TMEM216: variants seen among roughly 807,000 people sequenced by gnomAD.
TMEM216 encodes cerebello-oculo-renal syndrome 2.
A neutral mutation model predicts 17.8 loss-of-function variants in TMEM216; 15 were observed. The observed-to-expected ratio is 0.84, with a 90% CI of 0.56 to 1.30. The LOEUF (loss-of-function observed/expected upper bound fraction) is 1.30. Among genes scored for constraint, TMEM216 ranks in the 50% most tolerant of loss-of-function variants. The pLI is 0.00. For synonymous variants in TMEM216, 58 were observed against 73.5 expected, an observed-to-expected ratio of 0.79 and a Z score of 1.08; for missense variants, 160 against 175.7, an observed-to-expected ratio of 0.91 and a Z score of 0.51.
chr11:61,393,397 C>T, intron 2 of TMEM216, 65 bp downstream of exon 2: 2 of 1,143,222 alleles, frequency 1.7e-6, no homozygotes, highest in Non-Finnish European at 2.5e-6. Flanking sequence ...CCAATTCCTA[C>T]CAAGAACCTT....
intron 2 of TMEM216, among the ~76,000 whole-genome samples, 164 bp downstream of exon 2, chr11:61,393,496 A>G (rs1264802125): frequency 6.6e-6 from 1 of 152,114 alleles, no homozygotes; most frequent in East Asian, 1.9e-4. Context: ...GTATGATTCC[A>G]TAGGCAGCCC....
Position 61,393,925 on chromosome 11 carries a change from G to A in TMEM216, c.178G>A (p.Val60Met). The A allele has an allele frequency of 6.2e-7, 1 of 1,614,010 alleles. No homozygotes were observed. The highest frequency in any genetic ancestry group is 2.2e-5 in the East Asian group (1 of 44,884). The part of the protein sequence containing the change: ...PYPTANLVLD[V>M]VMLLLYLGIE... ...TCCAACAGCTAACCTAGTACTGGAT[G>A]TGGTGATGCTCCTCCTTTATCTTGG... The change falls in exon 3 of 5, where the codon GTG becomes ATG. Residue 60 changes from valine to methionine, a missense_variant. Transcript: ENST00000515837.
intron 3 of TMEM216, 73 bp from the exon 4 acceptor site, chr11:61,397,701 A>C (rs1335089788): frequency 7.1e-7 from 1 of 1,415,152 alleles, no homozygotes; most frequent in Admixed American, 1.8e-5. Context: ...ATTCCATCAC[A>C]TCTCCCACGC....
Position 61,393,643 on chromosome 11 carries a change from T to C in TMEM216, c.137-241T>C, listed in dbSNP as rs190895224. On this transcript the variant is annotated intron_variant, in intron 2 of 4. Transcript: ENST00000515837. ...CTATTCAGTGGCCTGTGTACCCATG[T>C]ACATCCAATCATTTTGGAGAGTGGA... Among the ~76,000 whole-genome samples, 548 of 152,360 alleles carry C rather than the reference T, an allele frequency of 3.6e-3. 2 individuals are homozygous for C. The highest frequency in any genetic ancestry group is 4.6e-3 in the Non-Finnish European group (316 of 68,026).
At chr11:61,398,060 A>T (rs1348036456) in intron 4 of TMEM216, 85 bp downstream of exon 4, 1 of 1,542,864 alleles carries the variant, frequency 6.5e-7, no homozygotes, top group Non-Finnish European at 8.9e-7. Flanking sequence ...CTGAAGCCTA[A>T]GGGGTCTAGA....
intron 1 of TMEM216, 26 bp downstream of exon 1, chr11:61,392,691 G>A (rs1858701417): frequency 6.5e-6 from 10 of 1,536,088 alleles, no homozygotes; most frequent in East Asian, 2.4e-5. Context: ...TGTGTGAGTC[G>A]CTGGTCCCTT....
chr11:61,395,354 G>A (rs550639571), intron 3 of TMEM216, among the ~76,000 whole-genome samples: 4 of 152,208 alleles, frequency 2.6e-5, no homozygotes, highest in South Asian at 2.1e-4. Flanking sequence ...TGAAATCAAC[G>A]TTAAAGCACA....
At position 61,397,771 on chromosome 11, in the gene TMEM216, C is replaced by T; in HGVS notation, c.230-3C>T. Reference sequence around the variant, plus strand: ...AGATGACTCCATGGGCTGTGTCTGACAGGTACAAAGGGAAACCTCTGCCAG... The same window carrying T: ...AGATGACTCCATGGGCTGTGTCTGATAGGTACAAAGGGAAACCTCTGCCAG... On this transcript the variant is annotated splice_region_variant and splice_polypyrimidine_tract_variant and intron_variant, in intron 3 of 4. Transcript: ENST00000515837. 1 of 1,612,102 alleles carries T rather than the reference C, an allele frequency of 6.2e-7. No homozygotes were observed. The highest frequency in any genetic ancestry group is 8.5e-7 in the Non-Finnish European group (1 of 1,179,372).
Position 61,398,656 on chromosome 11 carries a change from G to A in TMEM216, c.*380G>A, listed in dbSNP as rs527545719. The A allele has an allele frequency of 1.1e-5, 3 of 262,002 alleles. No homozygotes were observed. Among genetic ancestry groups the A allele is most frequent in the African/African-American group, 4.3e-5 (2 of 46,262 alleles). 16.2% of individuals were successfully genotyped at this position (262,002 alleles called of 1,614,324 possible). A position where few individuals can be genotyped will look rare whatever the true frequency, so the allele number is the denominator to read the frequency against. On this transcript the variant is annotated 3_prime_UTR_variant, in exon 5 of 5. Transcript: ENST00000515837. ...GACCTGAGCCACATGCTCCCTGTACGAGCTGTGCTATACCTGTCCCACATG... is the reference window on the plus strand; with the variant it reads ...GACCTGAGCCACATGCTCCCTGTACAAGCTGTGCTATACCTGTCCCACATG...
At chr11:61,396,427 C>T (rs1858798948) in intron 3 of TMEM216, among the ~76,000 whole-genome samples, 2 of 151,876 alleles carry the variant, frequency 1.3e-5, no homozygotes, top group South Asian at 4.2e-4. Context: ...TGCAGTGAGC[C>T]GAGATTGCAC....
At chr11:61,394,300 G>A (rs1195629789) in intron 3 of TMEM216, 1 of 340,770 alleles carries the variant, frequency 2.9e-6, no homozygotes. Flanking sequence ...CGTCAGGGCA[G>A]GCAGTGTATC....
At chr11:61,393,821 G>T in intron 2 of TMEM216, 63 bp from the exon 3 acceptor site, 10 of 1,305,672 alleles carry the variant, frequency 7.7e-6, no homozygotes, top group Middle Eastern at 1.9e-4. Flanking sequence ...TTTCCCAAGT[G>T]TGTGGCAGTT....
intron 3 of TMEM216, among the ~76,000 whole-genome samples, chr11:61,394,779 G>C (rs957077775): frequency 1.3e-4 from 19 of 151,520 alleles, no homozygotes; most frequent in African/African-American, 4.6e-4. Flanking sequence ...CAATTCTCCT[G>C]CCTCAGCCTC....
At chr11:61,396,294 CATG>C (rs1188412893) in intron 3 of TMEM216, among the ~76,000 whole-genome samples, 1 of 151,846 alleles carries the variant, frequency 6.6e-6, no homozygotes, top group East Asian at 2.0e-4. Flanking sequence ...TCCTGGCCCA[CATG>C]ATGAAACCCC....
intron 3 of TMEM216, among the ~76,000 whole-genome samples, chr11:61,395,175 C>T (rs1234157973): frequency 6.6e-6 from 1 of 151,990 alleles, no homozygotes; most frequent in East Asian, 1.9e-4. Flanking sequence ...AGTGTCTTGC[C>T]TTGTTGCCCA....
intron 3 of TMEM216, 166 bp from the exon 4 acceptor site, chr11:61,397,608 C>T (rs1858826865): frequency 1.7e-6 from 1 of 597,390 alleles, no homozygotes; most frequent in South Asian, 2.4e-5. Context: ...TTGTAGCTCT[C>T]CTAAGCCTCA....
At chr11:61,398,214 T>G in intron 4 of TMEM216, 56 bp from the exon 5 acceptor site, 1 of 1,599,510 alleles carries the variant, frequency 6.3e-7, no homozygotes, top group Non-Finnish European at 8.5e-7. Context: ...CGAGGCCAGC[T>G]GCTCTCATTC....
At chr11:61,393,154 A>G (rs974054620) in intron 1 of TMEM216, 77 bp from the exon 2 acceptor site, 5 of 1,167,358 alleles carry the variant, frequency 4.3e-6, no homozygotes, top group Non-Finnish European at 5.9e-6. Context: ...AGTTTCCCCA[A>G]AGTTAGACAC....
At position 61,397,956 on chromosome 11, in the gene TMEM216, A is replaced by G; in HGVS notation, c.412A>G (p.Thr138Ala). The G allele has an allele frequency of 6.2e-7, 1 of 1,613,796 alleles. No homozygotes were observed. Among genetic ancestry groups the G allele is most frequent in the Non-Finnish European group, 8.5e-7 (1 of 1,179,878 alleles). ...CTCAGAGCTTTTACTTGAGGTGCTC[A>G]CCTTGGCTGCTTTCTCCAGGTACTG... ...CGSELLLEVL[T>A]LAAFSRI The change falls in exon 4 of 5, where the codon ACC becomes GCC. Residue 138 changes from threonine (T) to alanine (A), a missense_variant. Physicochemically the swap from Thr to Ala is moderately conservative, Grantham distance 58. Transcript: ENST00000515837.
Sources: gnomAD v4.1 joint callset for allele counts (sites outside exome capture counted in the v4.1 genomes callset) on GRCh38, gnomAD v4.1.1 for gene constraint, MANE v1.5 for transcripts, NCBI Gene and HGNC (gene_info 2026-07-23, HGNC 2026-07-21) for gene names.